The following UBASH3B variants were observed in gnomAD, a reference collection of about 807,000 sequenced individuals.
UBASH3B encodes ubiquitin associated and SH3 domain containing B.
A neutral mutation model predicts 83.4 loss-of-function variants in UBASH3B; 37 were observed. That is an observed-to-expected ratio of 0.44 (90% confidence interval 0.34 to 0.58). UBASH3B has a LOEUF of 0.58. Among genes scored for constraint, UBASH3B ranks in the 20% least tolerant of loss-of-function variants. The pLI, the probability that UBASH3B is intolerant of heterozygous loss-of-function variation, is 0.01. For missense variants in UBASH3B, 657 were observed against 827.2 expected (o/e 0.79, Z 2.52); for synonymous variants, 304 against 318.3 (o/e 0.96, Z 0.48).
intron 10 of UBASH3B, among the ~76,000 whole-genome samples, chr11:122,800,396 A>C (rs1269908202): frequency 2.0e-5 from 3 of 149,932 alleles, no homozygotes; most frequent in South Asian, 2.1e-4. Flanking sequence ...AAAAAAAAAA[A>C]AAAAAACAAG....
In UBASH3B at chr11:122,777,462, G is replaced by A. The variant is rs370411925; in HGVS notation, c.402+252G>A. On this transcript the variant is annotated intron_variant, in intron 3 of 13. Coordinates refer to ENST00000284273, the MANE Select transcript of UBASH3B (RefSeq NM_032873.5). ...GCACCAGATTGTAACCCTCTGTGAG[G>A]GACACACTGGTCTGGCTGCTGGAAT... 3.5e-4 allele frequency among the ~76,000 whole-genome samples: 54 copies of A among 152,250 alleles called. 2 individuals carry two copies. In the East Asian group the frequency reaches 4.3e-3, roughly 12 times the overall value.
intron 7 of UBASH3B, 48 bp from the exon 8 acceptor site, chr11:122,796,108 T>G (rs1861151550): frequency 1.9e-6 from 3 of 1,606,534 alleles, no homozygotes; most frequent in Admixed American, 3.3e-5. Flanking sequence ...CCAAGACATG[T>G]CCACTTTGCC....
intron 1 of UBASH3B, among the ~76,000 whole-genome samples, chr11:122,662,231 AC>A (rs1455876410): frequency 4.0e-5 from 6 of 151,748 alleles, no homozygotes; most frequent in African/African-American, 1.2e-4. Context: ...TTTTAAAAAA[AC>A]TTTTTTGAGT....
chr11:122,655,964 C>T lies in UBASH3B; in HGVS notation c.-86C>T, dbSNP rs1863352803. On this transcript the variant is annotated 5_prime_UTR_variant, in exon 1 of 14. Transcript: ENST00000284273. ...CTGCCTGGCTCTGGGTCCCCGAGCC[C>T]CCTCCCCTGGCCCAGCCCGACTCCC... The T allele has an allele frequency of 3.8e-6, 5 of 1,299,544 alleles. No homozygotes were observed. Among genetic ancestry groups the T allele is most frequent in the Non-Finnish European group, 5.0e-6 (5 of 1,002,412 alleles). 80.5% of individuals were successfully genotyped at this position (1,299,544 alleles called of 1,614,324 possible).
intron 1 of UBASH3B, among the ~76,000 whole-genome samples, chr11:122,736,216 A>C (rs1436801423): frequency 1.3e-5 from 2 of 151,688 alleles, no homozygotes; most frequent in Admixed American, 6.6e-5. Flanking sequence ...CTCCAAGTGC[A>C]CAGATAAAAA....
intron 1 of UBASH3B, among the ~76,000 whole-genome samples, chr11:122,700,233 A>G (rs139195844): frequency 3.8e-4 from 58 of 152,330 alleles, no homozygotes; most frequent in African/African-American, 1.3e-3. Flanking sequence ...ACTTTGAACT[A>G]GCACAAAGTC....
At chr11:122,693,554 A>C (rs1277152468) in intron 1 of UBASH3B, among the ~76,000 whole-genome samples, 1 of 152,174 alleles carries the variant, frequency 6.6e-6, no homozygotes, top group African/African-American at 2.4e-5. Context: ...ATGGGAGGAA[A>C]AATAAGCCTG....
intron 10 of UBASH3B, among the ~76,000 whole-genome samples, chr11:122,799,940 A>C (rs1006056160): frequency 6.6e-6 from 1 of 152,198 alleles, no homozygotes; most frequent in Non-Finnish European, 1.5e-5. Context: ...TTGACACTGC[A>C]TCTGAGTCTT....
At chr11:122,690,188 A>ATATATATATATATCCAAT (rs1863869270) in intron 1 of UBASH3B, among the ~76,000 whole-genome samples, 1 of 21,900 alleles carries the variant, frequency 4.6e-5, no homozygotes, top group Non-Finnish European at 8.9e-5. Flanking sequence ...ATATATATAT[A>ATATATATATATATCCAAT]TATATATATA....
chr11:122,697,708 C>G (rs1333912496), intron 1 of UBASH3B, among the ~76,000 whole-genome samples: 1 of 152,102 alleles, frequency 6.6e-6, no homozygotes, highest in Non-Finnish European at 1.5e-5. Context: ...ACCTCAGTAC[C>G]TTGATAGTCA....
chr11:122,683,743 TTGTGTG>T (rs57305276), intron 1 of UBASH3B, among the ~76,000 whole-genome samples: 13,065 of 99,006 alleles, frequency 0.13, 914 homozygotes, highest in African/African-American at 0.21. Context: ...TAAAAAAAAA[TTGTGTG>T]TGTGTGTGTG....
At chr11:122,677,850 C>G (rs964818709) in intron 1 of UBASH3B, among the ~76,000 whole-genome samples, 2 of 152,202 alleles carry the variant, frequency 1.3e-5, no homozygotes, top group African/African-American at 4.8e-5. Context: ...TGGCTCACCA[C>G]AACCTCTGCC....
At chr11:122,689,948 A>G (rs1042846211) in intron 1 of UBASH3B, among the ~76,000 whole-genome samples, 15 of 151,870 alleles carry the variant, frequency 9.9e-5, no homozygotes, top group Admixed American at 7.2e-4. Context: ...GCCACCCTCC[A>G]GGACCCTCCG....
At chr11:122,787,222 T>C (rs901558908) in intron 5 of UBASH3B, among the ~76,000 whole-genome samples, 3 of 152,190 alleles carry the variant, frequency 2.0e-5, no homozygotes, top group African/African-American at 7.2e-5. Context: ...ACATTTAGCT[T>C]TGCAGTTTAT....
intron 1 of UBASH3B, among the ~76,000 whole-genome samples, chr11:122,730,018 G>A (rs1860815259): frequency 6.8e-6 from 1 of 147,050 alleles, no homozygotes; most frequent in Non-Finnish European, 1.5e-5. Context: ...CAGGTGCAGT[G>A]GCTCACACCT....
chr11:122,719,593 A>G (rs1860587107), intron 1 of UBASH3B, among the ~76,000 whole-genome samples: 1 of 152,184 alleles, frequency 6.6e-6, no homozygotes, highest in African/African-American at 2.4e-5. Flanking sequence ...CAAAGGTAGT[A>G]ATAATCAGCC....
At chr11:122,683,239 CAA>C (rs59693425) in intron 1 of UBASH3B, among the ~76,000 whole-genome samples, 456 of 132,896 alleles carry the variant, frequency 3.4e-3, no homozygotes, top group African/African-American at 5.0e-3. Flanking sequence ...GACCTTGTTT[CAA>C]AAAAAAAAAA....
intron 1 of UBASH3B, among the ~76,000 whole-genome samples, chr11:122,753,382 C>T (rs1213138815): frequency 2.0e-5 from 3 of 151,492 alleles, no homozygotes; most frequent in African/African-American, 7.3e-5. Flanking sequence ...ACCTAGGAGG[C>T]AGAGGTTGCA....
chr11:122,656,308 C>A, intron 1 of UBASH3B, 98 bp downstream of exon 1: 3 of 1,188,878 alleles, frequency 2.5e-6, no homozygotes, highest in Non-Finnish European at 3.2e-6. Flanking sequence ...GCGGGACAGG[C>A]AGCGCGCTCC....
Sources: allele counts gnomAD v4.1 joint callset (sites outside exome capture counted in the v4.1 genomes callset), GRCh38; gene constraint gnomAD v4.1.1; transcripts MANE v1.5; gene names NCBI Gene and HGNC (gene_info 2026-07-23, HGNC 2026-07-21).